Variants in PAAF1 observed in about 807,000 individuals in gnomAD.
PAAF1 encodes proteasomal ATPase associated factor 1, also known as proteasomal ATPase-associated factor 1.
PAAF1 carries 46 observed loss-of-function variants against 52.8 expected under a neutral mutation model. The ratio of observed to expected loss-of-function variants is 0.87; its 90% CI spans 0.69 to 1.11. The LOEUF is 1.11. PAAF1 is among the 50% of genes most tolerant of loss of function. The probability of loss-of-function intolerance (pLI) is 0.00; values close to 1 mark genes in which losing one functional copy is unlikely to be tolerated. For missense variants in PAAF1, 424 were observed against 477.4 expected (o/e 0.89, Z 1.04); for synonymous variants, 178 against 172.8 (o/e 1.03, Z -0.24).
Position 73,901,451 on chromosome 11 carries a change from A to G in PAAF1, c.532+1031A>G, listed in dbSNP as rs922718726. Among the ~76,000 whole-genome samples, 29 of 152,180 alleles carry G rather than the reference A, an allele frequency of 1.9e-4. 1 individual carries two copies. The highest frequency in any genetic ancestry group is 7.3e-5 in the Non-Finnish European group (5 of 68,046). On this transcript the variant is annotated intron_variant, in intron 6 of 11. Coordinates refer to ENST00000310571, the MANE Select transcript of PAAF1 (RefSeq NM_025155.3). ...AAATATGTGATAATATCCCCAAATAATTCCTTGATCCTTCTTCTGGAACCA... is the reference window on the plus strand; with the variant it reads ...AAATATGTGATAATATCCCCAAATAGTTCCTTGATCCTTCTTCTGGAACCA...
intron 7 of PAAF1, 121 bp downstream of exon 7, chr11:73,909,714 C>A: frequency 1.2e-6 from 1 of 868,040 alleles, no homozygotes; most frequent in East Asian, 2.6e-5. Context: ...CTGTTTTCAC[C>A]ATACGATTAA....
chr11:73,907,454 G>T (rs1386228449), intron 6 of PAAF1, among the ~76,000 whole-genome samples: 1 of 152,154 alleles, frequency 6.6e-6, no homozygotes, highest in East Asian at 1.9e-4. Flanking sequence ...GGTGAAAGTA[G>T]GACACAGTTG....
chr11:73,909,002 G>A (rs1949853878), intron 6 of PAAF1, among the ~76,000 whole-genome samples: 1 of 151,956 alleles, frequency 6.6e-6, no homozygotes. Flanking sequence ...AGCTAGGCTG[G>A]TCTTGAACTG....
At chr11:73,898,757 T>G (rs188494158) in intron 4 of PAAF1, among the ~76,000 whole-genome samples, 2 of 152,116 alleles carry the variant, frequency 1.3e-5, no homozygotes, top group Non-Finnish European at 2.9e-5. Context: ...GAGGTTGCAG[T>G]GAGCTGAGAT....
intron 6 of PAAF1, among the ~76,000 whole-genome samples, chr11:73,902,556 C>T (rs1423773808): frequency 2.0e-5 from 3 of 152,200 alleles, no homozygotes; most frequent in Admixed American, 2.0e-4. Flanking sequence ...CATCAGTGCA[C>T]ATCCAGTTTA....
intron 8 of PAAF1, among the ~76,000 whole-genome samples, chr11:73,916,282 G>A (rs1950060857): frequency 6.6e-6 from 1 of 152,124 alleles, no homozygotes; most frequent in Admixed American, 6.6e-5. Flanking sequence ...ACAGTGTGTT[G>A]AGTGGTAGTA....
At chr11:73,902,993 C>T (rs189426713) in intron 6 of PAAF1, among the ~76,000 whole-genome samples, 26 of 152,330 alleles carry the variant, frequency 1.7e-4, no homozygotes, top group African/African-American at 4.8e-4. Flanking sequence ...CCACTGCGCC[C>T]GGCCTAGAAT....
At chr11:73,922,933 T>A (rs1950262395) in intron 10 of PAAF1, among the ~76,000 whole-genome samples, 1 of 152,118 alleles carries the variant, frequency 6.6e-6, no homozygotes. Flanking sequence ...AAAACAAAAT[T>A]TTTTGATGCA....
At chr11:73,897,370 G>C (rs544321249) in intron 4 of PAAF1, among the ~76,000 whole-genome samples, 3 of 149,100 alleles carry the variant, frequency 2.0e-5, no homozygotes, top group African/African-American at 7.5e-5. Flanking sequence ...TGGGCGGAGG[G>C]GCTCCTCACT....
rs34435466 is a variant in PAAF1, at chr11:73,929,055, A to AT, written c.*1705dup. On this transcript the variant is annotated 3_prime_UTR_variant, in exon 12 of 12. Coordinates refer to ENST00000310571, the MANE Select transcript of PAAF1 (RefSeq NM_025155.3). ...TTTTTAAAGGCGTATTCTCATGTAA[A>AT]TTTTTTTTTTTTAAAGACAGGGTCT... 0.018 allele frequency: 2,642 copies of AT among 146,856 alleles called. 74 individuals are homozygous for AT. Among genetic ancestry groups the AT allele is most frequent in the African/African-American group, 0.059 (2,390 of 40,252 alleles). 9.1% of individuals were successfully genotyped at this position (146,856 alleles called of 1,614,324 possible).
rs1340836549 is a variant in PAAF1, at chr11:73,916,530, C to T, written c.820-15C>T. The T allele has an allele frequency of 1.3e-6, 2 of 1,570,488 alleles. No homozygotes were observed. Among genetic ancestry groups the T allele is most frequent in the Admixed American group, 1.8e-5 (1 of 56,922 alleles). On this transcript the variant is annotated splice_polypyrimidine_tract_variant and intron_variant, in intron 8 of 11. Transcript: ENST00000310571. ...TAATCTTTAAACAGCATTTTTGCCTCCTACTTGTTCCCAGGTGTTCCTCTT... is the reference window on the plus strand; with the variant it reads ...TAATCTTTAAACAGCATTTTTGCCTTCTACTTGTTCCCAGGTGTTCCTCTT...
chr11:73,907,498 A>G (rs1229213536), intron 6 of PAAF1, among the ~76,000 whole-genome samples: 1 of 152,172 alleles, frequency 6.6e-6, no homozygotes, highest in Non-Finnish European at 1.5e-5. Flanking sequence ...ATTGCCTTCT[A>G]GTGGCGTTAT....
At chr11:73,918,100 G>A (rs1950114089) in intron 9 of PAAF1, among the ~76,000 whole-genome samples, 1 of 152,102 alleles carries the variant, frequency 6.6e-6, no homozygotes, top group Admixed American at 6.6e-5. Context: ...AAAGAAGGAG[G>A]AAAAGAGCTG....
At chr11:73,922,208 GT>G in intron 10 of PAAF1, 1 of 781,150 alleles carries the variant, frequency 1.3e-6, no homozygotes. Flanking sequence ...TGGCGCCCGG[GT>G]TTCAACCCAG....
At chr11:73,898,229 A>T (rs1300822237) in intron 4 of PAAF1, among the ~76,000 whole-genome samples, 1 of 135,254 alleles carries the variant, frequency 7.4e-6, no homozygotes, top group Admixed American at 7.2e-5. Flanking sequence ...AGGGAGAGGG[A>T]GAGGGAGAGG....
At chr11:73,897,226 C>T (rs1428241483) in intron 4 of PAAF1, among the ~76,000 whole-genome samples, 19 of 88,806 alleles carry the variant, frequency 2.1e-4, no homozygotes, top group African/African-American at 6.9e-4. Context: ...GCTGGCCGGG[C>T]GGGGGGCTGA....
At chr11:73,878,009 A>G (rs889121482) in intron 1 of PAAF1, among the ~76,000 whole-genome samples, 4 of 152,256 alleles carry the variant, frequency 2.6e-5, no homozygotes, top group Non-Finnish European at 4.4e-5. Flanking sequence ...TAGCAGTGCT[A>G]TATTTGGCAA....
chr11:73,903,102 A>G (rs956963265), intron 6 of PAAF1, among the ~76,000 whole-genome samples: 2 of 152,230 alleles, frequency 1.3e-5, no homozygotes, highest in African/African-American at 4.8e-5. Flanking sequence ...TCTGCAGAGT[A>G]TAACAGCCCT....
intron 8 of PAAF1, 114 bp from the exon 9 acceptor site, chr11:73,916,431 G>A: frequency 1.5e-6 from 1 of 652,850 alleles, no homozygotes; most frequent in East Asian, 2.8e-5. Flanking sequence ...TAATTAAAGG[G>A]GGAAGGAAGA....
Sources: allele counts gnomAD v4.1 joint callset (sites outside exome capture counted in the v4.1 genomes callset), GRCh38; gene constraint gnomAD v4.1.1; transcripts MANE v1.5; gene names NCBI Gene and HGNC (gene_info 2026-07-23, HGNC 2026-07-21).